RNF144A: variants seen among roughly 807,000 people sequenced by gnomAD.
RNF144A encodes ring finger protein 144A.
In RNF144A, 11 loss-of-function variants were observed where a neutral mutation model predicts 38.7. The observed-to-expected ratio is 0.28, with a 90% CI of 0.18 to 0.47. The LOEUF is 0.47. RNF144A is among the 20% of genes least tolerant of loss of function. The pLI, the probability that RNF144A is intolerant of heterozygous loss-of-function variation, is 0.99. For missense variants in RNF144A, 316 were observed against 377.2 expected, an observed-to-expected ratio of 0.84 and a Z score of 1.34; for synonymous variants, 149 against 143.9, an observed-to-expected ratio of 1.04 and a Z score of -0.25.
At chr2:7,051,797 GAGAAT>G (rs1331310314) in intron 6 of RNF144A, among the ~76,000 whole-genome samples, 2 of 152,338 alleles carry the variant, frequency 1.3e-5, no homozygotes, top group East Asian at 3.9e-4. Context: ...GCTGAGGCAG[GAGAAT>G]CGCTTGAATC....
Position 6,943,029 on chromosome 2 carries a change from G to A in RNF144A, c.-12+1882G>A, listed in dbSNP as rs1558370236. On this transcript the variant is annotated intron_variant, in intron 2 of 8. Transcript: ENST00000320892. The surrounding 1 kb of genome is among the most constrained non-coding windows in gnomAD (Gnocchi z 4.3). ...AAGTTCAGTTTTGAACTTGCTGAGT[G>A]TGAGAAGATTATAAGCCACCCACAT... 6.6e-6 allele frequency among the ~76,000 whole-genome samples: 1 copy of A among 152,322 alleles called. No individual in the cohort carries two copies. Among genetic ancestry groups the A allele is most frequent in the East Asian group, 1.9e-4 (1 of 5,186 alleles).
chr2:6,998,149 AAAG>A (rs752295923), intron 3 of RNF144A, among the ~76,000 whole-genome samples: 1 of 151,504 alleles, frequency 6.6e-6, no homozygotes, highest in African/African-American at 2.4e-5. Flanking sequence ...AAAGTACAGA[AAAG>A]AAAAATGAAA....
At chr2:7,049,728 A>G (rs1673443937) in intron 6 of RNF144A, among the ~76,000 whole-genome samples, 1 of 152,196 alleles carries the variant, frequency 6.6e-6, no homozygotes, top group Admixed American at 6.5e-5. Context: ...AGATGATACT[A>G]AGCTGGGAGT....
intron 7 of RNF144A, among the ~76,000 whole-genome samples, chr2:7,029,072 G>T (rs921621): frequency 1.3e-4 from 20 of 152,208 alleles, no homozygotes; most frequent in Admixed American, 5.9e-4. Context: ...GGAACAGAAG[G>T]CCATGACCCC....
chr2:7,031,869 G>A (rs1043713490), intron 8 of RNF144A, among the ~76,000 whole-genome samples: 10 of 152,248 alleles, frequency 6.6e-5, no homozygotes, highest in African/African-American at 1.9e-4. Context: ...CCACCTGGCG[G>A]CACAGAAGCT....
chr2:6,931,195 G>A (rs1665191853), intron 1 of RNF144A, among the ~76,000 whole-genome samples: 16 of 152,208 alleles, frequency 1.1e-4, no homozygotes, highest in Admixed American at 1.0e-3. Context: ...AGACTGTGGG[G>A]ACAGAGACAG....
intron 3 of RNF144A, 24 bp downstream of exon 3, chr2:6,997,085 A>C: frequency 6.2e-7 from 1 of 1,610,226 alleles, no homozygotes. Context: ...GATAAAATAT[A>C]TGTTACAGTG....
intron 3 of RNF144A, among the ~76,000 whole-genome samples, chr2:7,003,823 G>A (rs971439711): frequency 2.0e-5 from 3 of 152,228 alleles, no homozygotes; most frequent in African/African-American, 7.2e-5. Flanking sequence ...TATCAAGGTT[G>A]GGATCTAAAG....
At chr2:6,926,477 C>T (rs751123760) in intron 1 of RNF144A, among the ~76,000 whole-genome samples, 4 of 152,240 alleles carry the variant, frequency 2.6e-5, no homozygotes, top group Non-Finnish European at 5.9e-5. Flanking sequence ...CCTCTCTTAC[C>T]TGCTCTTCCT....
chr2:7,011,845 G>C (rs187332255), intron 3 of RNF144A, among the ~76,000 whole-genome samples: 406 of 152,250 alleles, frequency 2.7e-3, no homozygotes, highest in African/African-American at 9.2e-3. Context: ...CAGGCGCTTG[G>C]AACGTCATCT....
At chr2:6,938,644 T>G (rs1665757272) in intron 1 of RNF144A, among the ~76,000 whole-genome samples, 2 of 152,196 alleles carry the variant, frequency 1.3e-5, no homozygotes. Flanking sequence ...TTTAGTATAG[T>G]CACAGAATTT....
intron 2 of RNF144A, among the ~76,000 whole-genome samples, chr2:6,953,284 A>C (rs10199111): frequency 0.68 from 103,164 of 151,908 alleles, 37,367 homozygotes; most frequent in Non-Finnish European, 0.81. Context: ...CAAAAATTAG[A>C]GCGGCATGGT....
intron 1 of RNF144A, among the ~76,000 whole-genome samples, chr2:6,926,501 C>T (rs1047290168): frequency 6.6e-6 from 1 of 152,210 alleles, no homozygotes; most frequent in Admixed American, 6.5e-5. Context: ...AAAGCAGGAG[C>T]CCATATGGAT....
intron 1 of RNF144A, among the ~76,000 whole-genome samples, chr2:6,927,211 T>A (rs527960993): frequency 6.6e-6 from 1 of 152,140 alleles, no homozygotes; most frequent in Non-Finnish European, 1.5e-5. Flanking sequence ...TGCTGTCAAC[T>A]GTGAAAGCCT....
rs1005003348 is a variant in RNF144A at position 7,030,119 on chromosome 2, C to G, written c.658-7C>G. ...GTTCATGCCGTCTCTGTCTCTGCCC[C>G]TCACAGGATGATTTCCTTCTGATAC... On this transcript the variant is annotated splice_region_variant and splice_polypyrimidine_tract_variant and intron_variant, in intron 7 of 8. Transcript: ENST00000320892. The G allele has an allele frequency of 6.2e-7, 1 of 1,609,138 alleles. No homozygotes were observed. The highest frequency in any genetic ancestry group is 2.2e-5 in the East Asian group (1 of 44,858).
At chr2:6,985,293 T>A (rs897993384) in intron 2 of RNF144A, among the ~76,000 whole-genome samples, 4 of 119,574 alleles carry the variant, frequency 3.3e-5, no homozygotes, top group Admixed American at 1.8e-4. Flanking sequence ...TTTTTTTTTT[T>A]AACAATGAGA....
In RNF144A at chr2:7,042,961, G is replaced by A. The variant is rs1477775616; in HGVS notation, c.*3201G>A. 5 of 671,950 alleles carry A rather than the reference G, an allele frequency of 7.4e-6. No homozygotes were observed. Among genetic ancestry groups the A allele is most frequent in the Non-Finnish European group, 9.2e-6 (5 of 544,586 alleles). The allele number at this position is 671,950 out of a possible 1,614,324, so 41.6% of individuals were successfully genotyped here. A position where few individuals can be genotyped will look rare whatever the true frequency, so the allele number is the denominator to read the frequency against. ...CGGCTCACTGCAAGCTCTGCCTCCC[G>A]GGTTCAAGCGATTCTCCTGCCTCAG... On this transcript the variant is annotated 3_prime_UTR_variant, in exon 9 of 9. Coordinates refer to ENST00000320892, the MANE Select transcript of RNF144A (RefSeq NM_014746.6).
At chr2:6,977,913 G>T (rs1343904070) in intron 2 of RNF144A, among the ~76,000 whole-genome samples, 1 of 152,138 alleles carries the variant, frequency 6.6e-6, no homozygotes, top group Non-Finnish European at 1.5e-5. Flanking sequence ...GTGAGTGTCG[G>T]GGGGAGCTGT....
At chr2:7,071,723 A>C (rs1438418972), downstream of RNF144A, among the ~76,000 whole-genome samples, 1 of 152,214 alleles carries the variant, frequency 6.6e-6, no homozygotes. Flanking sequence ...TTGTATGTCA[A>C]TGTGGCGAGG....
Sources: allele counts gnomAD v4.1 joint callset (sites outside exome capture counted in the v4.1 genomes callset), GRCh38; gene constraint gnomAD v4.1.1; non-coding constraint Gnocchi (gnomAD v3.1); transcripts MANE v1.5; gene names NCBI Gene and HGNC (gene_info 2026-07-23, HGNC 2026-07-21).